CAPS2: variants seen among roughly 807,000 people sequenced by gnomAD.
CAPS2 encodes calcyphosin-2.
CAPS2 carries 98 observed loss-of-function variants against 86.5 expected under a neutral mutation model. The observed-to-expected ratio is 1.13, with a 90% CI of 0.96 to 1.34. The LOEUF (loss-of-function observed/expected upper bound fraction) is 1.34. Ranked by LOEUF, CAPS2 falls within the 40% of genes most tolerant of loss-of-function variation. The pLI is 0.00. For synonymous variants in CAPS2, 210 were observed against 225.1 expected (o/e 0.93, Z 0.60); for missense variants, 729 against 686.8 (o/e 1.06, Z -0.69).
chr12:75,278,813 G>T, exon 17 of CAPS2: 2 of 1,350,072 alleles, frequency 1.5e-6, no homozygotes, highest in Non-Finnish European at 1.9e-6. Context: ...ATATATTCCA[G>T]TGTTTGATCA....
At chr12:75,298,241 T>C (rs2037228881) in intron 11 of CAPS2, 1 of 160,386 alleles carries the variant, frequency 6.2e-6, no homozygotes, top group South Asian at 1.8e-4. Flanking sequence ...TTTCCCAAAG[T>C]GGGAAAATCA....
chr12:75,276,188 T>C (rs1017382979), downstream of CAPS2: 7 of 1,536,472 alleles, frequency 4.6e-6, no homozygotes, highest in Non-Finnish European at 5.3e-6. Context: ...ACCTTCTATT[T>C]CTTTGTTTTA....
intron 1 of CAPS2, among the ~76,000 whole-genome samples, chr12:75,383,387 AT>A (rs1232694214): frequency 6.6e-6 from 1 of 152,212 alleles, no homozygotes; most frequent in Non-Finnish European, 1.5e-5. Context: ...AGATAGCTAT[AT>A]TAATTTTGGC....
intron 1 of CAPS2, chr12:75,369,387 T>C (rs2044206707): frequency 1.2e-5 from 4 of 338,302 alleles, no homozygotes; most frequent in African/African-American, 4.5e-5. Context: ...GGATTTTATT[T>C]TTTGCTGGTA....
intron 1 of CAPS2, among the ~76,000 whole-genome samples, chr12:75,350,221 A>G (rs1373727661): frequency 6.6e-6 from 1 of 152,188 alleles, no homozygotes; most frequent in African/African-American, 2.4e-5. Context: ...CCAGGGGTTT[A>G]TGGACAGATC....
intron 13 of CAPS2, among the ~76,000 whole-genome samples, 190 bp downstream of exon 13, chr12:75,291,554 C>A (rs1333568327): frequency 3.9e-3 from 91 of 23,598 alleles, no homozygotes; most frequent in Middle Eastern, 0.033. Context: ...ATATATATAG[C>A]TTATTTTTAA....
intron 1 of CAPS2, chr12:75,343,828 G>A (rs1478098969): frequency 1.2e-6 from 2 of 1,613,272 alleles, no homozygotes; most frequent in South Asian, 2.2e-5. Context: ...CTGGTTAGGT[G>A]GAATAAAGTC....
intron 8 of CAPS2, 85 bp downstream of exon 8, chr12:75,304,672 A>C: frequency 9.8e-7 from 1 of 1,022,036 alleles, no homozygotes. Flanking sequence ...CAAACACAAA[A>C]GCTCCAGCTA....
chr12:75,348,284 C>T (rs189894913), intron 1 of CAPS2, among the ~76,000 whole-genome samples: 1 of 152,058 alleles, frequency 6.6e-6, no homozygotes, highest in Non-Finnish European at 1.5e-5. Context: ...CAACAAACAT[C>T]AATTTAAAAA....
intron 1 of CAPS2, among the ~76,000 whole-genome samples, chr12:75,385,984 T>C (rs1227846930): frequency 6.6e-6 from 1 of 152,210 alleles, no homozygotes; most frequent in Admixed American, 6.5e-5. Flanking sequence ...TGTTCATAAA[T>C]AGAATGAAGA....
chr12:75,321,298 T>C, intron 5 of CAPS2, 102 bp downstream of exon 5: 2 of 718,294 alleles, frequency 2.8e-6, no homozygotes, highest in Non-Finnish European at 4.6e-6. Context: ...CTATTATACT[T>C]ATTATGACTA....
chr12:75,380,601 CTAAG>C (rs2044909497), intron 1 of CAPS2, among the ~76,000 whole-genome samples: 1 of 152,112 alleles, frequency 6.6e-6, no homozygotes, highest in African/African-American at 2.4e-5. Context: ...TGGCACCATG[CTAAG>C]TGTTAATAAT....
chr12:75,343,283 C>A (rs1319432645), intron 1 of CAPS2, among the ~76,000 whole-genome samples: 1 of 151,934 alleles, frequency 6.6e-6, no homozygotes, highest in Non-Finnish European at 1.5e-5. Flanking sequence ...TTATCTTTAT[C>A]AAATTAAGGG....
At chr12:75,355,059 C>T (rs2043061693) in intron 1 of CAPS2, among the ~76,000 whole-genome samples, 1 of 152,154 alleles carries the variant, frequency 6.6e-6, no homozygotes, top group African/African-American at 2.4e-5. Context: ...CTATTCAGGA[C>T]ATAGGCATGG....
chr12:75,304,177 G>A (rs113718898), intron 8 of CAPS2, among the ~76,000 whole-genome samples: 2,571 of 152,106 alleles, frequency 0.017, 69 homozygotes, highest in African/African-American at 0.052. Flanking sequence ...AAATAAGAAT[G>A]GGACAAAACG....
intron 15 of CAPS2, among the ~76,000 whole-genome samples, chr12:75,283,138 T>C (rs1427295102): frequency 3.3e-5 from 5 of 152,226 alleles, no homozygotes; most frequent in Non-Finnish European, 5.9e-5. Flanking sequence ...CTCTATTTCT[T>C]GAAATTTAAT....
rs554959716 is a variant in CAPS2 at position 75,373,601 on chromosome 12, C to T, written c.-395+17237G>A. 2.0e-5 allele frequency: 3 copies of T among 152,332 alleles called. No homozygotes were observed. The South Asian group carries it at 6.2e-4, about 32-fold the overall frequency. The allele number at this position is 152,332 out of a possible 1,614,324, so 9.4% of individuals were successfully genotyped here. On this transcript the variant is annotated intron_variant, in intron 1 of 5. Transcript: ENST00000551829. ...GCATACTGGGGAGATTTCCCTTCAC[C>T]AGCATCCTTCAGGGATACCAAGAAA...
chr12:75,371,012 T>C (rs1221125146), intron 1 of CAPS2: 1 of 152,218 alleles, frequency 6.6e-6, no homozygotes, highest in Non-Finnish European at 1.5e-5. Flanking sequence ...TAGGGCTCTC[T>C]AAAGGGACAG....
chr12:75,294,851 CA>C (rs1211438292), intron 11 of CAPS2, among the ~76,000 whole-genome samples: 1 of 151,548 alleles, frequency 6.6e-6, no homozygotes, highest in East Asian at 1.9e-4. Context: ...AAGAGAATAG[CA>C]AAACAAATTT....
Sources: gnomAD v4.1 joint callset for allele counts (sites outside exome capture counted in the v4.1 genomes callset) on GRCh38, gnomAD v4.1.1 for gene constraint, MANE v1.5 for transcripts, NCBI Gene and HGNC (gene_info 2026-07-23, HGNC 2026-07-21) for gene names.